AGPAT4: variants seen among roughly 807,000 people sequenced by gnomAD.
AGPAT4 encodes the protein 1-acyl-sn-glycerol-3-phosphate acyltransferase delta.
Under a neutral mutation model 48.0 loss-of-function variants are expected in AGPAT4, and 15 were observed. That is an observed-to-expected ratio of 0.31 (90% confidence interval 0.21 to 0.48). The LOEUF (loss-of-function observed/expected upper bound fraction) is 0.48, where lower values mean the gene tolerates loss of function less well. Ranked by LOEUF, AGPAT4 falls within the 20% of genes least tolerant of loss-of-function variation. AGPAT4 has a pLI of 0.99. For synonymous variants in AGPAT4, 178 were observed against 198.7 expected (o/e 0.90, Z 0.88); for missense variants, 314 against 482.5 (o/e 0.65, Z 3.27).
chr6:161,269,916 C>A (rs897355325), intron 1 of AGPAT4, among the ~76,000 whole-genome samples: 10 of 152,192 alleles, frequency 6.6e-5, no homozygotes, highest in Non-Finnish European at 1.5e-4. Context: ...AGAAGTAGAG[C>A]AAATTAGATC....
chr6:161,222,807 T>C lies in AGPAT4; in HGVS notation c.178+9229A>G, dbSNP rs1455995445. On this transcript the variant is annotated intron_variant, in intron 2 of 8. Coordinates refer to ENST00000320285, the MANE Select transcript of AGPAT4 (RefSeq NM_020133.3). The surrounding 1 kb of genome is among the most constrained non-coding windows in gnomAD (Gnocchi z 5.9). ...TGCAGGTGTCTGTGGATGCTTCCTC[T>C]GGCCTCATTCATTTGCACGGTGGCC... 6.6e-6 allele frequency among the ~76,000 whole-genome samples: 1 copy of C among 152,194 alleles called. No homozygotes were observed. The highest frequency in any genetic ancestry group is 1.5e-5 in the Non-Finnish European group (1 of 68,034).
intron 1 of AGPAT4, among the ~76,000 whole-genome samples, chr6:161,248,594 A>AAC (rs59741511): frequency 0.035 from 4,776 of 137,842 alleles, 435 homozygotes; most frequent in African/African-American, 0.13. Context: ...AAAAAAAAAA[A>AAC]CTAGGAATAC....
intron 1 of AGPAT4, among the ~76,000 whole-genome samples, chr6:161,260,249 A>G (rs1365358519): frequency 1.3e-5 from 2 of 152,198 alleles, no homozygotes; most frequent in African/African-American, 4.8e-5. Flanking sequence ...AGCCTGGGGA[A>G]TGAACACTGA....
At chr6:161,157,098 C>T (rs1298485003) in intron 3 of AGPAT4, among the ~76,000 whole-genome samples, 4 of 152,240 alleles carry the variant, frequency 2.6e-5, no homozygotes, top group Non-Finnish European at 5.9e-5. Context: ...GTCTTTAATT[C>T]CTCTAGCACC....
At chr6:161,228,605 T>C (rs1259227077) in intron 2 of AGPAT4, among the ~76,000 whole-genome samples, 1 of 138,702 alleles carries the variant, frequency 7.2e-6, no homozygotes, top group East Asian at 2.1e-4. Flanking sequence ...AACCCTGACA[T>C]TAATAGATTC....
chr6:161,231,926 A>G lies in AGPAT4; in HGVS notation c.178+110T>C, dbSNP rs1421609977. The stretch of plus-strand genomic sequence containing the variant: ...TCAAACCTAAAACAAAAACAAAACA[A>G]AAAAACAGCTCGGCACACAACGAAA... On this transcript the variant is annotated intron_variant, in intron 2 of 8. Transcript: ENST00000320285. The surrounding 1 kb of genome is among the most constrained non-coding windows in gnomAD (Gnocchi z 5.3). 4.9e-5 allele frequency: 57 copies of G among 1,154,166 alleles called. No homozygotes were observed. The highest frequency in any genetic ancestry group is 6.6e-5 in the Non-Finnish European group (56 of 854,632). 71.5% of individuals were successfully genotyped at this position (1,154,166 alleles called of 1,614,324 possible). A position where few individuals can be genotyped will look rare whatever the true frequency, so the allele number is the denominator to read the frequency against.
intron 2 of AGPAT4, among the ~76,000 whole-genome samples, chr6:161,168,300 T>C (rs183002969): frequency 6.6e-6 from 1 of 152,260 alleles, no homozygotes; most frequent in East Asian, 1.9e-4. Context: ...AGGCCACAGA[T>C]AAGCACCAAA....
rs1295500870 is a variant in AGPAT4 at position 161,166,175 on chromosome 6, G to T, written c.348+73C>A. 9 of 1,552,856 alleles carry T rather than the reference G, an allele frequency of 5.8e-6. No individual in the cohort carries two copies. In the South Asian group the frequency reaches 9.4e-5, roughly 16 times the overall value. On this transcript the variant is annotated intron_variant, in intron 3 of 8. Coordinates refer to ENST00000320285, the MANE Select transcript of AGPAT4 (RefSeq NM_020133.3). This position sits in a 1 kb window ranked among gnomAD's most constrained non-coding sequence, Gnocchi z 6.7. ...TTCTTCTGCAAGTTCTGAATGACCA[G>T]GAGCAAAAAGACAAGTGGTGGGGCT...
Position 161,146,651 on chromosome 6 carries a change from A to C in AGPAT4, c.768-52T>G. On this transcript the variant is annotated intron_variant, in intron 6 of 8. Transcript: ENST00000320285. This position sits in a 1 kb window ranked among gnomAD's most constrained non-coding sequence, Gnocchi z 7.1. The stretch of plus-strand genomic sequence containing the variant: ...AGAGGAGGTGATGCCCCCCTACAAC[A>C]TACAGTTTCCAGTAACGGTGCTGCC... The C allele has an allele frequency of 6.4e-7, 1 of 1,561,222 alleles. No individual in the cohort carries two copies. The highest frequency in any genetic ancestry group is 8.8e-7 in the Non-Finnish European group (1 of 1,133,258).
rs1782060519 is a variant in AGPAT4 at position 161,229,198 on chromosome 6, A to C, written c.178+2838T>G. Reference sequence around the variant, plus strand: ...CTGCTAGAGGAAAGCGAACACAGAGATGGAAGGGCTCCGTGTCTCAAGGAA... The same window carrying C: ...CTGCTAGAGGAAAGCGAACACAGAGCTGGAAGGGCTCCGTGTCTCAAGGAA... On this transcript the variant is annotated intron_variant, in intron 2 of 8. Transcript: ENST00000320285. This position sits in a 1 kb window ranked among gnomAD's most constrained non-coding sequence, Gnocchi z 6.0. Among the ~76,000 whole-genome samples the C allele has an allele frequency of 6.6e-6, 1 of 152,144 alleles. No individual in the cohort carries two copies. The highest frequency in any genetic ancestry group is 1.5e-5 in the Non-Finnish European group (1 of 68,032).
At chr6:161,224,487 T>C (rs11964731) in intron 2 of AGPAT4, among the ~76,000 whole-genome samples, 7,242 of 151,176 alleles carry the variant, frequency 0.048, 545 homozygotes, top group African/African-American at 0.16. Flanking sequence ...ACTAAAAATA[T>C]AAAAATTAGC....
rs1433432258 is a variant in AGPAT4, at chr6:161,137,290, G to T, written c.1043-656C>A. Reference sequence around the variant, plus strand: ...ATGTGGTGAGGTCCTTGGGTGCAGGGCCCAAGACTTAATCATTTGATGTGC... The same window carrying T: ...ATGTGGTGAGGTCCTTGGGTGCAGGTCCCAAGACTTAATCATTTGATGTGC... On this transcript the variant is annotated intron_variant, in intron 8 of 8. Coordinates refer to ENST00000320285, the MANE Select transcript of AGPAT4 (RefSeq NM_020133.3). The surrounding 1 kb of genome is among the most constrained non-coding windows in gnomAD (Gnocchi z 6.1). Among the ~76,000 whole-genome samples, 1 of 152,196 alleles carries T rather than the reference G, an allele frequency of 6.6e-6. No homozygotes were observed. The highest frequency in any genetic ancestry group is 1.5e-5 in the Non-Finnish European group (1 of 68,038).
rs1362396694 is a variant in AGPAT4, at chr6:161,251,964, A to C, written c.-89-19662T>G. On this transcript the variant is annotated intron_variant, in intron 1 of 8. Transcript: ENST00000320285. The surrounding 1 kb of genome is among the most constrained non-coding windows in gnomAD (Gnocchi z 4.6). ...TTATGCTGGAGAGTATAATTTTTTG[A>C]ATTTTTGCATGAGTGAAAAATCAGA... 1.4e-5 allele frequency among the ~76,000 whole-genome samples: 2 copies of C among 143,598 alleles called. No homozygotes were observed. The highest frequency in any genetic ancestry group is 3.1e-5 in the Non-Finnish European group (2 of 65,204). 94.2% of individuals were successfully genotyped at this position (143,598 alleles called of 152,430 possible).
intron 2 of AGPAT4, among the ~76,000 whole-genome samples, chr6:161,179,094 T>C (rs1356533924): frequency 2.0e-5 from 3 of 152,204 alleles, no homozygotes; most frequent in South Asian, 2.1e-4. Context: ...CATTTAACCA[T>C]TGCCTGCTAT....
intron 1 of AGPAT4, among the ~76,000 whole-genome samples, chr6:161,241,795 C>T (rs1386249295): frequency 6.6e-6 from 1 of 152,210 alleles, no homozygotes; most frequent in East Asian, 1.9e-4. Flanking sequence ...TGCAGTGGCA[C>T]AATCTCGGCT....
rs1264545992 is a variant in AGPAT4 at position 161,229,845 on chromosome 6, G to A, written c.178+2191C>T. Among the ~76,000 whole-genome samples, 1 of 152,124 alleles carries A rather than the reference G, an allele frequency of 6.6e-6. No homozygotes were observed. The highest frequency in any genetic ancestry group is 6.6e-5 in the Admixed American group (1 of 15,266). On this transcript the variant is annotated intron_variant, in intron 2 of 8. Transcript: ENST00000320285. This position sits in a 1 kb window ranked among gnomAD's most constrained non-coding sequence, Gnocchi z 6.0. ...CCTTCCTCCGGGGACATAGGCAAAG[G>A]TCATTGCTGGGGTGCATCTGGATGG...
At chr6:161,172,313 A>G (rs1308920258) in intron 2 of AGPAT4, among the ~76,000 whole-genome samples, 2 of 152,168 alleles carry the variant, frequency 1.3e-5, no homozygotes, top group African/African-American at 4.8e-5. Context: ...GGGTGAGTGA[A>G]TACCCCAGCC....
At chr6:161,160,356 G>C (rs921163235) in intron 3 of AGPAT4, 1 of 153,536 alleles carries the variant, frequency 6.5e-6, no homozygotes, top group Non-Finnish European at 1.4e-5. Context: ...ACCTTACACT[G>C]CCAGAAAAAT....
At position 161,217,157 on chromosome 6, in the gene AGPAT4, G is replaced by A. The variant is rs953364662; in HGVS notation, c.178+14879C>T. Among the ~76,000 whole-genome samples, 3 of 152,196 alleles carry A rather than the reference G, an allele frequency of 2.0e-5. No homozygotes were observed. The East Asian group carries it at 5.8e-4, about 29-fold the overall frequency. On this transcript the variant is annotated intron_variant, in intron 2 of 8. Transcript: ENST00000320285. The surrounding 1 kb of genome is among the most constrained non-coding windows in gnomAD (Gnocchi z 4.9). The stretch of plus-strand genomic sequence containing the variant: ...GGAGAAGGCAAGCCAGGGGAGGGGC[G>A]GAGTGAGCACAGGCGTGGGGACGCG...
Sources: allele counts gnomAD v4.1 joint callset (sites outside exome capture counted in the v4.1 genomes callset), GRCh38; gene constraint gnomAD v4.1.1; non-coding constraint Gnocchi (gnomAD v3.1); transcripts MANE v1.5; gene names NCBI Gene and HGNC (gene_info 2026-07-23, HGNC 2026-07-21).